DLC1: variants seen among roughly 807,000 people sequenced by gnomAD.
The protein encoded by DLC1 is DLC1 Rho GTPase activating protein.
Under a neutral mutation model 140.3 loss-of-function variants are expected in DLC1, and 54 were observed. The ratio of observed to expected loss-of-function variants is 0.38; its 90% confidence interval spans 0.31 to 0.48. DLC1 has a LOEUF of 0.48. Ranked by LOEUF, DLC1 falls within the 20% of genes least tolerant of loss-of-function variation. DLC1 has a pLI of 0.96. For missense variants in DLC1, 2,536 were observed against 1,907.0 expected, an observed-to-expected ratio of 1.33 and a Z score of -6.14; for synonymous variants, 986 against 728.1, an observed-to-expected ratio of 1.35 and a Z score of -5.70.
At chr8:13,198,950 C>T (rs1827221218) in intron 5 of DLC1, among the ~76,000 whole-genome samples, 1 of 152,092 alleles carries the variant, frequency 6.6e-6, no homozygotes, top group Non-Finnish European at 1.5e-5. Context: ...CTCCTGACCT[C>T]AGGTGGTGTG....
intron 1 of DLC1, among the ~76,000 whole-genome samples, chr8:13,543,804 G>C (rs1803563889): frequency 6.6e-6 from 1 of 152,046 alleles, no homozygotes; most frequent in South Asian, 2.1e-4. Flanking sequence ...GTATGCAAAG[G>C]CATACAAAGT....
intron 2 of DLC1, among the ~76,000 whole-genome samples, chr8:13,477,765 C>T (rs1294293322): frequency 2.6e-5 from 4 of 151,998 alleles, no homozygotes; most frequent in Admixed American, 6.6e-5. Flanking sequence ...TATATTCCTA[C>T]ACCAGTCATA....
At chr8:13,133,209 G>T in intron 5 of DLC1, 1 of 1,422,260 alleles carries the variant, frequency 7.0e-7, no homozygotes, top group South Asian at 1.5e-5. Context: ...AAGTCCGTGA[G>T]CCGGCGCTCC....
intron 5 of DLC1, among the ~76,000 whole-genome samples, chr8:13,216,104 A>G (rs1243414431): frequency 6.6e-6 from 1 of 152,192 alleles, no homozygotes; most frequent in Non-Finnish European, 1.5e-5. Flanking sequence ...CCTGTTCCAG[A>G]TGGTCTCATC....
chr8:13,331,819 G>A (rs1052941231), intron 4 of DLC1, among the ~76,000 whole-genome samples: 3 of 152,052 alleles, frequency 2.0e-5, no homozygotes, highest in African/African-American at 4.8e-5. Flanking sequence ...CTACCAAAAG[G>A]AATAAAATAT....
At chr8:13,337,436 A>T (rs1671355) in intron 4 of DLC1, among the ~76,000 whole-genome samples, 130,154 of 152,134 alleles carry the variant, frequency 0.86, 56,091 homozygotes, top group East Asian at 0.95. Flanking sequence ...GTCATGTTGC[A>T]GAATGACAAC....
At position 13,458,896 on chromosome 8, in the gene DLC1, G is replaced by A. The variant is rs1455004007; in HGVS notation, c.1023+40153C>T. Among the ~76,000 whole-genome samples, 10 of 151,570 alleles carry A rather than the reference G, an allele frequency of 6.6e-5. No individual in the cohort carries two copies. In the South Asian group the frequency reaches 8.3e-4, roughly 13 times the overall value. On this transcript the variant is annotated intron_variant, in intron 2 of 17. Transcript: ENST00000276297. ...TAAAAAGTTTACTTACTCTTGATTT[G>A]GAAATTAGTTATGCACAATAGCATA...
chr8:13,384,388 G>GTA (rs1441199561), intron 4 of DLC1, among the ~76,000 whole-genome samples: 1 of 121,344 alleles, frequency 8.2e-6, no homozygotes, highest in African/African-American at 2.9e-5. Flanking sequence ...GCGTGTGTGT[G>GTA]TATCATTGGA....
intron 5 of DLC1, among the ~76,000 whole-genome samples, chr8:13,269,163 G>A (rs995518176): frequency 1.3e-5 from 2 of 152,098 alleles, no homozygotes; most frequent in Non-Finnish European, 2.9e-5. Flanking sequence ...GTGAGCCACC[G>A]CTCCCGGCCT....
chr8:13,497,158 C>G (rs1045193942), intron 2 of DLC1, among the ~76,000 whole-genome samples: 1 of 152,096 alleles, frequency 6.6e-6, no homozygotes, highest in Non-Finnish European at 1.5e-5. Flanking sequence ...CAGTAACATG[C>G]AATATAGTGA....
At chr8:13,263,184 C>T (rs963173237) in intron 5 of DLC1, among the ~76,000 whole-genome samples, 16 of 151,988 alleles carry the variant, frequency 1.1e-4, no homozygotes, top group African/African-American at 3.6e-4. Context: ...CTTTGGTCTC[C>T]GTGGAAGCCT....
Position 13,120,356 on chromosome 8 carries a change from A to ATAT in DLC1, c.1349-4700_1349-4699insATA, listed in dbSNP as rs1554577889. Among the ~76,000 whole-genome samples, 78 of 61,132 alleles carry ATAT rather than the reference A, an allele frequency of 1.3e-3. 1 individual carries two copies. The highest frequency in any genetic ancestry group is 0.012 in the Middle Eastern group (1 of 84). The allele number at this position is 61,132 out of a possible 152,430, so 40.1% of individuals were successfully genotyped here. On this transcript the variant is annotated intron_variant, in intron 5 of 17. Transcript: ENST00000276297. ...AGACTCCGTCGCAAAAAAAAAAAAA[A>ATAT]ATATATATATATATAAAATGTATAT...
rs759618471 is a variant in DLC1 at position 13,094,946 on chromosome 8, G to A, written c.3339C>T (p.Phe1113=). 2.5e-6 allele frequency: 4 copies of A among 1,614,184 alleles called. No homozygotes were observed. Among genetic ancestry groups the A allele is most frequent in the African/African-American group, 2.7e-5 (2 of 75,054 alleles). ...RNHCLDQVGL[F]RKSGVKSRIQ... ...TCCGGGACTTGACCCCCGATTTTCTGAAGAGCCCAACCTGTCGGAAGAGCA... is the reference window on the plus strand; with the variant it reads ...TCCGGGACTTGACCCCCGATTTTCTAAAGAGCCCAACCTGTCGGAAGAGCA... Residue 1113 remains phenylalanine (F), a synonymous_variant, in exon 12 of 18, where the codon TTC becomes TTT. Coordinates refer to ENST00000276297, the MANE Select transcript of DLC1 (RefSeq NM_182643.3).
chr8:13,395,034 C>CT (rs1554511814), intron 3 of DLC1, among the ~76,000 whole-genome samples: 52,281 of 117,256 alleles, frequency 0.45, 9,513 homozygotes, highest in African/African-American at 0.5. Flanking sequence ...ATCTATCTAT[C>CT]ATCTATCTAT....
At chr8:13,102,115 C>T (rs1444629516) in intron 8 of DLC1, among the ~76,000 whole-genome samples, 1 of 152,096 alleles carries the variant, frequency 6.6e-6, no homozygotes, top group African/African-American at 2.4e-5. Context: ...AATTTGAACC[C>T]GGAAGTCAGA....
rs1395357555 is a variant in DLC1, at chr8:13,577,955, G to A, written c.-126+26582C>T. On this transcript the variant is annotated intron_variant, in intron 1 of 1. Transcript: ENST00000631382. ...GTGCCACAGGAGGTGGGGACATAAG[G>A]GTGGAAGCATGAATGTTTATTCCTG... 3.3e-5 allele frequency among the ~76,000 whole-genome samples: 5 copies of A among 152,146 alleles called. No homozygotes were observed. In the East Asian group the frequency reaches 9.7e-4, roughly 29 times the overall value.
chr8:13,327,009 C>T (rs1004226212), intron 4 of DLC1, among the ~76,000 whole-genome samples: 2 of 151,948 alleles, frequency 1.3e-5, no homozygotes, highest in Non-Finnish European at 2.9e-5. Flanking sequence ...GGCTGGAGTG[C>T]AGTGGCACGA....
intron 4 of DLC1, among the ~76,000 whole-genome samples, chr8:13,323,373 G>T (rs960823905): frequency 6.6e-6 from 1 of 152,146 alleles, no homozygotes; most frequent in Admixed American, 6.5e-5. Context: ...AGATGGTTTT[G>T]TGTTCAAAGA....
At chr8:13,363,310 C>T (rs566035977) in intron 4 of DLC1, among the ~76,000 whole-genome samples, 1 of 143,740 alleles carries the variant, frequency 7.0e-6, no homozygotes, top group Non-Finnish European at 1.5e-5. Flanking sequence ...GTTCTCAGAG[C>T]ATGCATATTG....
Sources: gnomAD v4.1 joint callset for allele counts (sites outside exome capture counted in the v4.1 genomes callset) on GRCh38, gnomAD v4.1.1 for gene constraint, MANE v1.5 for transcripts, NCBI Gene and HGNC (gene_info 2026-07-23, HGNC 2026-07-21) for gene names.